SLC38A9: variants seen among roughly 807,000 people sequenced by gnomAD.
SLC38A9 encodes the protein neutral amino acid transporter 9.
SLC38A9 carries 48 observed loss-of-function variants against 62.3 expected under a neutral mutation model. The ratio of observed to expected loss-of-function variants is 0.77; its 90% CI spans 0.61 to 0.98. The LOEUF (loss-of-function observed/expected upper bound fraction) is 0.98. Ranked by LOEUF, SLC38A9 falls within the 50% of genes least tolerant of loss-of-function variation. SLC38A9 has a pLI of 0.00. For synonymous variants in SLC38A9, 204 were observed against 227.7 expected (o/e 0.90, Z 0.94); for missense variants, 541 against 679.8 (o/e 0.80, Z 2.27).
At chr5:55,665,418 G>C (rs564904226) in intron 7 of SLC38A9, among the ~76,000 whole-genome samples, 2 of 151,440 alleles carry the variant, frequency 1.3e-5, no homozygotes, top group Non-Finnish European at 2.9e-5. Context: ...GCATAGTGGC[G>C]CGCCTGTAGT....
At chr5:55,661,659 T>C (rs1053778872) in intron 8 of SLC38A9, among the ~76,000 whole-genome samples, 2 of 152,074 alleles carry the variant, frequency 1.3e-5, no homozygotes, top group Non-Finnish European at 2.9e-5. Context: ...TTCTAAAATG[T>C]ATATGGAAGA....
intron 3 of SLC38A9, among the ~76,000 whole-genome samples, chr5:55,683,640 T>C (rs1753348080): frequency 6.6e-6 from 1 of 152,202 alleles, no homozygotes; most frequent in African/African-American, 2.4e-5. Context: ...TCTCATAAAG[T>C]AGAATAATAC....
At chr5:55,636,747 A>G (rs1744452263) in intron 12 of SLC38A9, among the ~76,000 whole-genome samples, 1 of 152,212 alleles carries the variant, frequency 6.6e-6, no homozygotes, top group Non-Finnish European at 1.5e-5. Flanking sequence ...TCTTAAGGTC[A>G]GGTCTAAATT....
At chr5:55,694,207 CA>C (rs3884110) in intron 3 of SLC38A9, 5,566 of 171,204 alleles carry the variant, frequency 0.033, no homozygotes, top group Middle Eastern at 0.095. Context: ...GACCCTGTCT[CA>C]AAAAAAAAAA....
At chr5:55,700,214 G>A (rs558768983) in intron 2 of SLC38A9, among the ~76,000 whole-genome samples, 12 of 151,964 alleles carry the variant, frequency 7.9e-5, no homozygotes, top group South Asian at 2.1e-4. Context: ...GGTTGTGGGC[G>A]CCTGTAATTC....
intron 7 of SLC38A9, among the ~76,000 whole-genome samples, chr5:55,666,048 T>C (rs13177722): frequency 6.6e-6 from 1 of 151,606 alleles, no homozygotes; most frequent in Non-Finnish European, 1.5e-5. Flanking sequence ...GCAATGATTA[T>C]GCAAATACAA....
chr5:55,656,775 CTAAAAA>C lies in SLC38A9; in HGVS notation c.698-7_698-2del. 1.3e-6 allele frequency: 2 copies of C among 1,524,214 alleles called. No individual in the cohort carries two copies. Among genetic ancestry groups the C allele is most frequent in the Non-Finnish European group, 1.8e-6 (2 of 1,107,430 alleles). The allele number at this position is 1,524,214 out of a possible 1,614,324, so 94.4% of individuals were successfully genotyped here. A position where few individuals can be genotyped will look rare whatever the true frequency, so the allele number is the denominator to read the frequency against. On this transcript the variant is annotated splice_acceptor_variant and splice_polypyrimidine_tract_variant and intron_variant, in intron 8 of 15. Coordinates refer to ENST00000396865, the MANE Select transcript of SLC38A9 (RefSeq NM_173514.4). LOFTEE classifies it high-confidence loss of function. ...GTGTCATTAATGTGATGAATAAAAT[CTAAAAA>C]TAAAGGAAAAAATATAGTTTAACAC...
At chr5:55,706,687 T>C (rs1018066052) in intron 2 of SLC38A9, among the ~76,000 whole-genome samples, 68 of 152,200 alleles carry the variant, frequency 4.5e-4, no homozygotes, top group Admixed American at 2.6e-4. Flanking sequence ...TTCAAAGATT[T>C]ATAATATTCA....
intron 3 of SLC38A9, among the ~76,000 whole-genome samples, chr5:55,674,522 C>T (rs7720385): frequency 0.6 from 90,997 of 151,928 alleles, 27,838 homozygotes; most frequent in South Asian, 0.7. Flanking sequence ...CCCTCTCTCA[C>T]GTACTCTTTG....
intron 14 of SLC38A9, among the ~76,000 whole-genome samples, chr5:55,631,939 T>C (rs1449840826): frequency 6.6e-6 from 1 of 151,518 alleles, no homozygotes; most frequent in Non-Finnish European, 1.5e-5. Flanking sequence ...AAATGACATA[T>C]AGAAATTTCT....
At chr5:55,696,307 C>A (rs1307826628) in intron 3 of SLC38A9, 1 of 32,018 alleles carries the variant, frequency 3.1e-5, no homozygotes, top group African/African-American at 8.3e-5. Context: ...CTGATCCCCC[C>A]ACCTCCCTCC....
intron 3 of SLC38A9, chr5:55,693,312 T>G (rs1257418856): frequency 6.6e-6 from 1 of 152,226 alleles, no homozygotes; most frequent in African/African-American, 2.4e-5. Context: ...ACTTCAATTT[T>G]TCACTTAACA....
Position 55,664,692 on chromosome 5 carries a change from C to T in SLC38A9, c.697+1G>A. 2 of 1,501,824 alleles carry T rather than the reference C, an allele frequency of 1.3e-6. No homozygotes were observed. The highest frequency in any genetic ancestry group is 1.3e-5 in the South Asian group (1 of 76,024). 93.0% of individuals were successfully genotyped at this position (1,501,824 alleles called of 1,614,324 possible). ...TAAAAGCATATGATATAGATACTTA[C>T]TAAAAATAAACTTTCCAGTATTAAA... On this transcript the variant is annotated splice_donor_variant, in intron 8 of 15. Transcript: ENST00000396865. LOFTEE classifies it high-confidence loss of function.
rs72758238 is a variant in SLC38A9, at chr5:55,648,891, A to G, written c.1060+316T>C. On this transcript the variant is annotated intron_variant, in intron 11 of 15. Transcript: ENST00000396865. ...TATTATATGTCAATAAAAATGTTTA[A>G]TTAAAAACCACAAAACCACAATGTA... Among the ~76,000 whole-genome samples, 951 of 152,316 alleles carry G rather than the reference A, an allele frequency of 6.2e-3. 2 individuals carry two copies. Among genetic ancestry groups the G allele is most frequent in the Non-Finnish European group, 0.01 (714 of 68,020 alleles).
chr5:55,673,453 C>T (rs1250465374), intron 3 of SLC38A9: 1 of 152,124 alleles, frequency 6.6e-6, no homozygotes, highest in Non-Finnish European at 1.5e-5. Flanking sequence ...AATATACTAT[C>T]CAAAATGAAA....
rs529453803 is a variant in SLC38A9 at position 55,653,908 on chromosome 5, TG to T, written c.758-1186del. Among the ~76,000 whole-genome samples, 380 of 152,260 alleles carry T rather than the reference TG, an allele frequency of 2.5e-3. 2 individuals carry two copies. Among genetic ancestry groups the T allele is most frequent in the African/African-American group, 8.5e-3 (353 of 41,562 alleles). On this transcript the variant is annotated intron_variant, in intron 9 of 15. Transcript: ENST00000396865. ...TCTTGACCTCGTGATCTGCCCGCCT[TG>T]GCCTCCCAAAGTGCTGGGATTATAG...
chr5:55,692,277 A>C (rs1208885110), intron 3 of SLC38A9, among the ~76,000 whole-genome samples: 1 of 152,230 alleles, frequency 6.6e-6, no homozygotes, highest in Non-Finnish European at 1.5e-5. Context: ...TTGAAGAAAC[A>C]TTCACTTATA....
chr5:55,660,950 T>C (rs1749412944), intron 8 of SLC38A9, among the ~76,000 whole-genome samples: 1 of 142,576 alleles, frequency 7.0e-6, no homozygotes, highest in Non-Finnish European at 1.5e-5. Context: ...TATTCTGTTT[T>C]TTTGTATGTG....
intron 2 of SLC38A9, among the ~76,000 whole-genome samples, chr5:55,707,611 C>T (rs757986230): frequency 8.5e-5 from 13 of 152,168 alleles, no homozygotes; most frequent in African/African-American, 2.7e-4. Flanking sequence ...TCACTTTTAA[C>T]ATCTCACTCA....
Sources: gnomAD v4.1 joint callset for allele counts (sites outside exome capture counted in the v4.1 genomes callset) on GRCh38, gnomAD v4.1.1 for gene constraint, MANE v1.5 for transcripts, NCBI Gene and HGNC (gene_info 2026-07-23, HGNC 2026-07-21) for gene names.